The following BICC1 variants were observed in gnomAD, a reference collection of about 807,000 sequenced individuals.
BICC1 encodes BicC family RNA binding protein 1.
Under a neutral mutation model 111.0 loss-of-function variants are expected in BICC1, and 43 were observed. That is an observed-to-expected ratio of 0.39 (90% CI 0.30 to 0.50). The LOEUF (loss-of-function observed/expected upper bound fraction) is 0.50. Among genes scored for constraint, BICC1 ranks in the 20% least tolerant of loss-of-function variants. The probability of loss-of-function intolerance (pLI) is 0.88; values close to 1 mark genes in which losing one functional copy is unlikely to be tolerated. For missense variants in BICC1, 1,091 were observed against 1,203.2 expected (o/e 0.91, Z 1.38); for synonymous variants, 467 against 434.4 (o/e 1.07, Z -0.93).
At chr10:58,615,709 A>T (rs1039549453) in intron 1 of BICC1, among the ~76,000 whole-genome samples, 26 of 152,136 alleles carry the variant, frequency 1.7e-4, no homozygotes, top group South Asian at 4.1e-4. Flanking sequence ...AGTCAGCAGG[A>T]TACTGAGGAG....
At chr10:58,806,863 TA>T (rs2132902535) in intron 16 of BICC1, 140 bp from the exon 17 acceptor site, 1 of 849,590 alleles carries the variant, frequency 1.2e-6, no homozygotes. Context: ...TTCATTAAGA[TA>T]TTTTTAGACA....
In BICC1 at chr10:58,513,246, T is replaced by G. The variant is rs1444371786; in HGVS notation, c.103T>G (p.Leu35Val). The G allele has an allele frequency of 1.2e-6, 2 of 1,612,932 alleles. No homozygotes were observed. Among genetic ancestry groups the G allele is most frequent in the Non-Finnish European group, 1.7e-6 (2 of 1,179,684 alleles). ...CCCAGTGCCCGGCTCCGAGGACGAC[T>G]TGGTCGCCGGGGCGACCCTGCACAG... ...DSPVPGSEDD[L>V]VAGATLHSPE... Residue 35 changes from leucine (L) to valine (V), a missense_variant, in exon 1 of 21, where the codon TTG becomes GTG. By Grantham distance (32) the Leu-to-Val change is conservative. Transcript: ENST00000373886.
intron 20 of BICC1, among the ~76,000 whole-genome samples, chr10:58,822,791 C>A (rs1298310396): frequency 1.3e-5 from 2 of 152,028 alleles, no homozygotes; most frequent in Non-Finnish European, 2.9e-5. Context: ...ATTTATAGTC[C>A]CAGAACATTC....
chr10:58,637,367 G>C (rs1054776696), intron 2 of BICC1, among the ~76,000 whole-genome samples: 5 of 152,056 alleles, frequency 3.3e-5, no homozygotes, highest in African/African-American at 1.2e-4. Context: ...GAATTATCAG[G>C]GTAAACTGAA....
intron 2 of BICC1, among the ~76,000 whole-genome samples, chr10:58,632,935 G>C (rs1588952129): frequency 1.3e-5 from 2 of 152,278 alleles, no homozygotes; most frequent in East Asian, 1.9e-4. Flanking sequence ...GAAAGGTTTA[G>C]AGGATATGTA....
At chr10:58,603,954 G>A (rs191977059) in intron 1 of BICC1, among the ~76,000 whole-genome samples, 248 of 152,262 alleles carry the variant, frequency 1.6e-3, no homozygotes, top group Admixed American at 5.2e-3. Flanking sequence ...TAGGCCTGTG[G>A]AGTTTTTCAT....
chr10:58,683,518 G>C (rs111998705), intron 2 of BICC1, among the ~76,000 whole-genome samples: 9 of 152,186 alleles, frequency 5.9e-5, no homozygotes, highest in African/African-American at 2.2e-4. Context: ...CATGAGCATG[G>C]AATGTTCTTC....
In BICC1 at chr10:58,513,060, C is replaced by G. The variant is rs1842137487; in HGVS notation, c.-84C>G. The G allele has an allele frequency of 9.1e-7, 1 of 1,096,670 alleles. No individual in the cohort carries two copies. The highest frequency in any genetic ancestry group is 1.7e-5 in the African/African-American group (1 of 60,318). The allele number at this position is 1,096,670 out of a possible 1,614,324, so 67.9% of individuals were successfully genotyped here. On this transcript the variant is annotated 5_prime_UTR_variant, in exon 1 of 21. Transcript: ENST00000373886. Reference sequence around the variant, plus strand: ...CGAGCTAGCGCCGCGGCGCTGGGAGCCAGTTGAGCCCGGCCGGCGAGCGGA... The same window carrying G: ...CGAGCTAGCGCCGCGGCGCTGGGAGGCAGTTGAGCCCGGCCGGCGAGCGGA...
intron 2 of BICC1, among the ~76,000 whole-genome samples, chr10:58,684,325 C>A (rs890131255): frequency 3.3e-5 from 5 of 152,132 alleles, no homozygotes; most frequent in Non-Finnish European, 5.9e-5. Context: ...GGATATTGGT[C>A]TAAAATTCTC....
chr10:58,823,653 G>A (rs1844314386), intron 20 of BICC1: 1 of 984,984 alleles, frequency 1.0e-6, no homozygotes, highest in Admixed American at 6.2e-5. Context: ...ATATGCTAAA[G>A]GAGAATGTTG....
At chr10:58,699,305 G>T (rs1044884202) in intron 2 of BICC1, among the ~76,000 whole-genome samples, 3 of 152,204 alleles carry the variant, frequency 2.0e-5, no homozygotes, top group Admixed American at 1.3e-4. Flanking sequence ...TCTCTGCACG[G>T]TATAGACAGG....
intron 1 of BICC1, among the ~76,000 whole-genome samples, chr10:58,519,215 G>A (rs1437942462): frequency 6.6e-6 from 1 of 152,142 alleles, no homozygotes; most frequent in African/African-American, 2.4e-5. Context: ...GTTTTGAGGT[G>A]TGTCTGGTTT....
Position 58,514,113 on chromosome 10 carries a change from G to A in BICC1, c.190+780G>A, listed in dbSNP as rs565329957. Reference sequence around the variant, plus strand: ...AGAAAATCTTCAACCATACTGGACCGAAAACAGATTCTGATTTATAATACG... The same window carrying A: ...AGAAAATCTTCAACCATACTGGACCAAAAACAGATTCTGATTTATAATACG... On this transcript the variant is annotated intron_variant, in intron 1 of 20. Transcript: ENST00000373886. 3.5e-3 allele frequency among the ~76,000 whole-genome samples: 540 copies of A among 152,238 alleles called. 4 individuals carry two copies. The highest frequency in any genetic ancestry group is 0.012 in the African/African-American group (506 of 41,554).
intron 1 of BICC1, among the ~76,000 whole-genome samples, chr10:58,598,238 C>T (rs758470359): frequency 2.0e-5 from 3 of 152,124 alleles, no homozygotes; most frequent in East Asian, 1.9e-4. Flanking sequence ...GGAGGCATCA[C>T]GCTACCTGAT....
chr10:58,624,483 A>G (rs903186778), intron 2 of BICC1, among the ~76,000 whole-genome samples: 1 of 152,216 alleles, frequency 6.6e-6, no homozygotes, highest in African/African-American at 2.4e-5. Context: ...CTAGTCATTT[A>G]TACTAAATCT....
At chr10:58,684,835 T>C (rs546743863) in intron 2 of BICC1, among the ~76,000 whole-genome samples, 1 of 152,312 alleles carries the variant, frequency 6.6e-6, no homozygotes, top group East Asian at 1.9e-4. Flanking sequence ...CCTGAATTCA[T>C]TGACTTTTTG....
chr10:58,825,130 T>G (rs1044928822), intron 20 of BICC1, among the ~76,000 whole-genome samples: 1 of 152,130 alleles, frequency 6.6e-6, no homozygotes, highest in African/African-American at 2.4e-5. Flanking sequence ...TGATATGATT[T>G]TTTTACTAGA....
At chr10:58,780,683 G>C (rs866245947) in intron 3 of BICC1, among the ~76,000 whole-genome samples, 35 of 152,122 alleles carry the variant, frequency 2.3e-4, no homozygotes, top group African/African-American at 8.0e-4. Flanking sequence ...AATGTTTCCA[G>C]GGGTGGGAAT....
At chr10:58,718,181 T>C (rs762701647) in intron 3 of BICC1, among the ~76,000 whole-genome samples, 3 of 152,168 alleles carry the variant, frequency 2.0e-5, no homozygotes, top group Non-Finnish European at 2.9e-5. Flanking sequence ...ACAACAGAAA[T>C]TTATTGCTTC....
Sources: allele counts gnomAD v4.1 joint callset (sites outside exome capture counted in the v4.1 genomes callset), GRCh38; gene constraint gnomAD v4.1.1; transcripts MANE v1.5; gene names NCBI Gene and HGNC (gene_info 2026-07-23, HGNC 2026-07-21).